PTK2B: variants seen among roughly 807,000 people sequenced by gnomAD.
PTK2B encodes protein tyrosine kinase 2 beta.
In PTK2B, 71 loss-of-function variants were observed where a neutral mutation model predicts 142.9. The ratio of observed to expected loss-of-function variants is 0.50; its 90% confidence interval spans 0.41 to 0.61. PTK2B has a LOEUF of 0.61. PTK2B is among the 20% of genes least tolerant of loss of function. The pLI, the probability that PTK2B is intolerant of heterozygous loss-of-function variation, is 0.00. For synonymous variants in PTK2B, 519 were observed against 503.4 expected (o/e 1.03, Z -0.42); for missense variants, 1,105 against 1,320.4 (o/e 0.84, Z 2.53).
intron 1 of PTK2B, among the ~76,000 whole-genome samples, chr8:27,383,045 G>T (rs935436811): frequency 2.0e-5 from 3 of 152,082 alleles, no homozygotes; most frequent in Admixed American, 1.3e-4. Context: ...GGTATTTTTT[G>T]ATTCTACATG....
Position 27,454,550 on chromosome 8 carries a change from G to T in PTK2B, c.2753G>T (p.Arg918Leu). 6.2e-7 allele frequency: 1 copy of T among 1,614,158 alleles called. No homozygotes were observed. The highest frequency in any genetic ancestry group is 8.5e-7 in the Non-Finnish European group (1 of 1,180,020). The change falls in exon 30 of 31, where the codon CGG becomes CTG. Residue 918 changes from arginine to leucine, a missense_variant. Arg to Leu is a moderately radical substitution (Grantham distance 102). Coordinates refer to ENST00000346049, the MANE Select transcript of PTK2B (RefSeq NM_173176.3). Reference sequence around the variant, plus strand: ...CCCCAGAATGTGGGGCTGACCCTGCGGAAGCTCATCGGGAGCGTGGATGAT... The same window carrying T: ...CCCCAGAATGTGGGGCTGACCCTGCTGAAGCTCATCGGGAGCGTGGATGAT... ...VVVKNVGLTL[R>L]KLIGSVDDLL...
chr8:27,414,061 C>T (rs1443769211), intron 2 of PTK2B, among the ~76,000 whole-genome samples: 1 of 152,080 alleles, frequency 6.6e-6, no homozygotes, highest in African/African-American at 2.4e-5. Context: ...GTTATGTGTC[C>T]CCAATGTTCT....
At chr8:27,327,510 T>G (rs1163258469) in intron 1 of PTK2B, among the ~76,000 whole-genome samples, 1 of 152,144 alleles carries the variant, frequency 6.6e-6, no homozygotes, top group African/African-American at 2.4e-5. Context: ...TAACTGGGTG[T>G]CCTGTATTTA....
intron 28 of PTK2B, 166 bp from the exon 29 acceptor site, chr8:27,453,988 G>A (rs571021507): frequency 1.1e-6 from 1 of 885,980 alleles, no homozygotes; most frequent in African/African-American, 1.7e-5. Context: ...TGCCCCAGAA[G>A]TGGACAGAGG....
At chr8:27,430,006 G>T in intron 5 of PTK2B, 87 bp from the exon 6 acceptor site, 1 of 1,208,236 alleles carries the variant, frequency 8.3e-7, no homozygotes, top group Non-Finnish European at 1.2e-6. Flanking sequence ...GGCAGGGGAA[G>T]GGGGCTTCTG....
rs537377892 is a variant in PTK2B, at chr8:27,406,132, C to T, written c.204+8344C>T. Among the ~76,000 whole-genome samples the T allele has an allele frequency of 1.1e-4, 16 of 152,322 alleles. No individual in the cohort carries two copies. The South Asian group carries it at 3.1e-3, about 30-fold the overall frequency. ...TCTAGGCATTCGCAGCTTATGGATA[C>T]TTCACTCCAACTTCTGCTTCCATCT... On this transcript the variant is annotated intron_variant, in intron 2 of 30. Transcript: ENST00000346049.
chr8:27,320,800 T>C (rs982414427), upstream of PTK2B, among the ~76,000 whole-genome samples: 2 of 151,924 alleles, frequency 1.3e-5, no homozygotes, highest in African/African-American at 4.8e-5. Flanking sequence ...GATTACAGTA[T>C]TGGCCATGGG....
chr8:27,376,496 G>A (rs1312052388), intron 1 of PTK2B, among the ~76,000 whole-genome samples: 2 of 152,200 alleles, frequency 1.3e-5, no homozygotes, highest in Non-Finnish European at 2.9e-5. Flanking sequence ...CAGGAGCTAG[G>A]TAAAATGAGG....
intron 19 of PTK2B, 79 bp from the exon 20 acceptor site, chr8:27,439,230 G>A (rs1810996488): frequency 6.4e-7 from 1 of 1,563,904 alleles, no homozygotes; most frequent in African/African-American, 1.4e-5. Flanking sequence ...CCAGGCTAAG[G>A]GTCTTCAGAA....
At chr8:27,433,673 A>G (rs889174810) in intron 11 of PTK2B, 121 bp downstream of exon 11, 17 of 882,598 alleles carry the variant, frequency 1.9e-5, no homozygotes, top group Middle Eastern at 2.3e-4. Context: ...CTTCCCCCAC[A>G]GCCCAGCGGG....
chr8:27,451,845 A>C, intron 27 of PTK2B: 1 of 1,032,566 alleles, frequency 9.7e-7, no homozygotes, highest in Non-Finnish European at 1.2e-6. Context: ...GGGAAAAGTT[A>C]AGCAGTGCCA....
At chr8:27,369,515 C>A (rs1406612038) in intron 1 of PTK2B, among the ~76,000 whole-genome samples, 1 of 145,222 alleles carries the variant, frequency 6.9e-6, no homozygotes, top group African/African-American at 2.6e-5. Flanking sequence ...ACTAAAAATA[C>A]AAAAATTAGC....
intron 1 of PTK2B, among the ~76,000 whole-genome samples, chr8:27,385,136 T>G (rs538012220): frequency 0.015 from 2,349 of 152,160 alleles, 27 homozygotes; most frequent in South Asian, 0.054. Flanking sequence ...GGACAGGGGG[T>G]AATGGTACCT....
rs754332726 is a variant in PTK2B, at chr8:27,434,569, C to G, written c.1192+10C>G. The G allele has an allele frequency of 6.3e-7, 1 of 1,598,128 alleles. No individual in the cohort carries two copies. The highest frequency in any genetic ancestry group is 8.5e-7 in the Non-Finnish European group (1 of 1,172,212). ...GAGAGCTGCAGCATAGGTGAGCTGC[C>G]CGCTGCATCCTCCACCTGCTCCAGT... On this transcript the variant is annotated intron_variant, in intron 13 of 30. Coordinates refer to ENST00000346049, the MANE Select transcript of PTK2B (RefSeq NM_173176.3).
intron 1 of PTK2B, among the ~76,000 whole-genome samples, chr8:27,331,696 AG>A (rs5890366): frequency 0.48 from 73,100 of 151,830 alleles, 18,179 homozygotes; most frequent in South Asian, 0.57. Flanking sequence ...CATATTAGCC[AG>A]GCTGGTCTCG....
chr8:27,330,440 C>T (rs1215923643), intron 1 of PTK2B, among the ~76,000 whole-genome samples: 1 of 152,230 alleles, frequency 6.6e-6, no homozygotes, highest in Admixed American at 6.5e-5. Flanking sequence ...TCTCAGTTCA[C>T]TGTGTTTTGG....
intron 1 of PTK2B, among the ~76,000 whole-genome samples, chr8:27,342,330 A>C (rs1484152437): frequency 1.3e-5 from 2 of 149,818 alleles, no homozygotes; most frequent in East Asian, 4.0e-4. Context: ...TCTCTTGCCC[A>C]TGCCAGAGTG....
chr8:27,382,442 C>T lies in PTK2B; in HGVS notation c.-37-15106C>T, dbSNP rs191169450. On this transcript the variant is annotated intron_variant, in intron 1 of 30. Transcript: ENST00000346049. ...TCTGTCAGTTGTTTCCTTTGCTGTG[C>T]AGAAGCTTGTAGCTTGATACAATCC... 4.2e-4 allele frequency among the ~76,000 whole-genome samples: 64 copies of T among 152,226 alleles called. No homozygotes were observed. The South Asian group carries it at 0.011, about 27-fold the overall frequency.
At chr8:27,443,053 C>G in intron 22 of PTK2B, 70 bp downstream of exon 22, 1 of 1,077,036 alleles carries the variant, frequency 9.3e-7, no homozygotes, top group Non-Finnish European at 1.4e-6. Context: ...GATCCATGTC[C>G]CCCTTACTGC....
Sources: gnomAD v4.1 joint callset for allele counts (sites outside exome capture counted in the v4.1 genomes callset) on GRCh38, gnomAD v4.1.1 for gene constraint, MANE v1.5 for transcripts, NCBI Gene and HGNC (gene_info 2026-07-23, HGNC 2026-07-21) for gene names.